The following CSMD3 variants were observed in gnomAD, a reference collection of about 807,000 sequenced individuals.
CSMD3 encodes CUB and Sushi multiple domains 3, also known as CUB and sushi domain-containing protein 3.
Under a neutral mutation model 435.2 loss-of-function variants are expected in CSMD3, and 177 were observed. That is an observed-to-expected ratio of 0.41 (90% CI 0.36 to 0.46). The LOEUF is 0.46. Among genes scored for constraint, CSMD3 ranks in the 20% least tolerant of loss-of-function variants. The pLI, the probability that CSMD3 is intolerant of heterozygous loss-of-function variation, is 0.34. For missense variants in CSMD3, 4,265 were observed against 4,504.6 expected, an observed-to-expected ratio of 0.95 and a Z score of 1.52; for synonymous variants, 1,656 against 1,520.5, an observed-to-expected ratio of 1.09 and a Z score of -2.07.
chr8:113,232,655 T>C (rs1445279594), intron 3 of CSMD3, among the ~76,000 whole-genome samples: 1 of 151,766 alleles, frequency 6.6e-6, no homozygotes, highest in African/African-American at 2.4e-5. Flanking sequence ...CAAAATCAAC[T>C]TTTATAGAAG....
intron 27 of CSMD3, 62 bp downstream of exon 27, chr8:112,550,609 T>G (rs1586662514): frequency 2.3e-6 from 2 of 879,788 alleles, no homozygotes; most frequent in Admixed American, 1.8e-5. Flanking sequence ...ACAGTAAAGT[T>G]AACATGACTA....
chr8:112,710,720 T>C (rs1477401813), intron 13 of CSMD3, among the ~76,000 whole-genome samples: 1 of 151,628 alleles, frequency 6.6e-6, no homozygotes, highest in Non-Finnish European at 1.5e-5. Flanking sequence ...TTATACTTTA[T>C]ACACATTTTA....
chr8:112,508,629 C>G (rs547880973), intron 28 of CSMD3, among the ~76,000 whole-genome samples: 1 of 152,202 alleles, frequency 6.6e-6, no homozygotes, highest in South Asian at 2.1e-4. Flanking sequence ...CTGGTTCTCT[C>G]TAGCTTTGTT....
intron 10 of CSMD3, among the ~76,000 whole-genome samples, chr8:112,872,830 A>G (rs1470673479): frequency 6.6e-6 from 1 of 152,092 alleles, no homozygotes; most frequent in African/African-American, 2.4e-5. Context: ...AGATAGAATG[A>G]TATAAATTAT....
intron 6 of CSMD3, among the ~76,000 whole-genome samples, chr8:113,004,945 G>A (rs2086000592): frequency 2.0e-5 from 3 of 151,706 alleles, no homozygotes; most frequent in South Asian, 2.1e-4. Flanking sequence ...TATTTAAATT[G>A]TACTATCATT....
intron 4 of CSMD3, among the ~76,000 whole-genome samples, chr8:113,140,083 A>G (rs1393771761): frequency 6.6e-6 from 1 of 151,048 alleles, no homozygotes; most frequent in Non-Finnish European, 1.5e-5. Flanking sequence ...AAGATTTTCA[A>G]CTTACTACGT....
At position 112,650,191 on chromosome 8, in the gene CSMD3, A is replaced by C. The variant is rs773750568; in HGVS notation, c.3163T>G (p.Trp1055Gly). The C allele has an allele frequency of 1.9e-6, 3 of 1,613,784 alleles. No individual in the cohort carries two copies. Among genetic ancestry groups the C allele is most frequent in the Non-Finnish European group, 1.7e-6 (2 of 1,179,668 alleles). The part of the protein sequence containing the change: ...EEPLLCEKNH[W>G]WSHPLPTCDA... ...CAGGTTGGAAGTGGATGACTCCACC[A>C]GTGGTTTTTTTCGCATAGAAGGGGC... The change falls in exon 19 of 71, where the codon TGG becomes GGG. Residue 1055 changes from tryptophan (W) to glycine (G), a missense_variant. Trp to Gly is a radical substitution (Grantham distance 184). This residue lies in a region of CSMD3 where 3,255 missense variants were observed against 3,380.2 expected (regional missense o/e 0.96). Transcript: ENST00000297405.
At chr8:112,376,912 G>C (rs1402577023) in intron 38 of CSMD3, among the ~76,000 whole-genome samples, 1 of 152,104 alleles carries the variant, frequency 6.6e-6, no homozygotes, top group African/African-American at 2.4e-5. Flanking sequence ...ATTTTAAGTA[G>C]AGTGTAAGAA....
chr8:112,588,739 T>C (rs765362662), intron 22 of CSMD3, among the ~76,000 whole-genome samples: 1 of 152,122 alleles, frequency 6.6e-6, no homozygotes, highest in East Asian at 1.9e-4. Flanking sequence ...CTTTTGAAGT[T>C]TGTTATACCT....
intron 35 of CSMD3, among the ~76,000 whole-genome samples, chr8:112,392,871 T>TTC (rs1322784985): frequency 7.1e-6 from 1 of 141,428 alleles, no homozygotes; most frequent in African/African-American, 3.0e-5. Flanking sequence ...TTTCTTTTTT[T>TTC]TTTTTTTTTT....
chr8:112,637,936 A>G (rs1192834373), intron 21 of CSMD3, among the ~76,000 whole-genome samples: 1 of 151,910 alleles, frequency 6.6e-6, no homozygotes, highest in Non-Finnish European at 1.5e-5. Context: ...AATGTTAGCA[A>G]GTTGGCATAA....
chr8:113,241,641 G>A (rs980218544), intron 3 of CSMD3, among the ~76,000 whole-genome samples: 24 of 151,264 alleles, frequency 1.6e-4, no homozygotes, highest in Middle Eastern at 7.0e-3. Context: ...AAAAGACTTA[G>A]TTGCAAAATG....
At position 113,178,996 on chromosome 8, in the gene CSMD3, C is replaced by T. The variant is rs1264732026; in HGVS notation, c.515-5080G>A. Among the ~76,000 whole-genome samples, 3 of 151,724 alleles carry T rather than the reference C, an allele frequency of 2.0e-5. 1 individual carries two copies. The highest frequency in any genetic ancestry group is 4.4e-5 in the Non-Finnish European group (3 of 67,830). The stretch of plus-strand genomic sequence containing the variant: ...TGAGAGTAAATAATTAAAATACATT[C>T]TATAAATGTACAAGTGAGCAGAGAT... On this transcript the variant is annotated intron_variant, in intron 3 of 70. Coordinates refer to ENST00000297405, the MANE Select transcript of CSMD3 (RefSeq NM_198123.2).
At chr8:112,462,775 C>T (rs1304972628) in intron 32 of CSMD3, among the ~76,000 whole-genome samples, 1 of 152,196 alleles carries the variant, frequency 6.6e-6, no homozygotes, top group Non-Finnish European at 1.5e-5. Flanking sequence ...CCCCACCACT[C>T]CTCCTTCCCC....
intron 12 of CSMD3, among the ~76,000 whole-genome samples, chr8:112,824,224 A>G (rs2079611173): frequency 6.6e-6 from 1 of 152,096 alleles, no homozygotes; most frequent in East Asian, 1.9e-4. Flanking sequence ...TCTCCTGAAT[A>G]CAGCACCCTG....
At chr8:112,857,266 A>G (rs979727031) in intron 11 of CSMD3, among the ~76,000 whole-genome samples, 3 of 151,850 alleles carry the variant, frequency 2.0e-5, no homozygotes, top group Admixed American at 1.3e-4. Context: ...CAAAGAACTG[A>G]AAGTAATTAT....
intron 32 of CSMD3, among the ~76,000 whole-genome samples, chr8:112,438,747 A>T (rs565988739): frequency 3.9e-5 from 6 of 152,208 alleles, no homozygotes; most frequent in Admixed American, 3.3e-4. Context: ...GCTAGTGCTC[A>T]ACAGGAAAGA....
chr8:112,783,167 T>C (rs2078436487), intron 13 of CSMD3, among the ~76,000 whole-genome samples: 1 of 151,770 alleles, frequency 6.6e-6, no homozygotes, highest in South Asian at 2.1e-4. Flanking sequence ...TAAACAGACA[T>C]AATAAAAATT....
chr8:112,329,049 A>G (rs949364772), intron 45 of CSMD3, among the ~76,000 whole-genome samples: 27 of 152,204 alleles, frequency 1.8e-4, no homozygotes, highest in African/African-American at 6.5e-4. Context: ...GCATTATTGT[A>G]AGAACATTTC....
Sources: allele counts gnomAD v4.1 joint callset (sites outside exome capture counted in the v4.1 genomes callset), GRCh38; gene constraint gnomAD v4.1.1; regional missense constraint gnomAD v4.1.1; transcripts MANE v1.5; gene names NCBI Gene and HGNC (gene_info 2026-07-23, HGNC 2026-07-21).